ZHX3: variants seen among roughly 807,000 people sequenced by gnomAD.
The protein encoded by ZHX3 is zinc fingers and homeoboxes protein 3.
Under a neutral mutation model 64.5 loss-of-function variants are expected in ZHX3, and 20 were observed. That is an observed-to-expected ratio of 0.31 (90% CI 0.22 to 0.45). The LOEUF is 0.45. Among genes scored for constraint, ZHX3 ranks in the 20% least tolerant of loss-of-function variants. ZHX3 has a pLI of 1.00. For synonymous variants in ZHX3, 423 were observed against 461.6 expected, an observed-to-expected ratio of 0.92 and a Z score of 1.07; for missense variants, 1,041 against 1,195.8, an observed-to-expected ratio of 0.87 and a Z score of 1.91.
At chr20:41,206,404 GA>G (rs2038713887) in intron 2 of ZHX3, among the ~76,000 whole-genome samples, 1 of 152,048 alleles carries the variant, frequency 6.6e-6, no homozygotes, top group South Asian at 2.1e-4. Context: ...TAAAAACCTT[GA>G]AAAAAGATTA....
chr20:41,183,136 G>T lies in ZHX3; in HGVS notation c.*2055C>A, dbSNP rs997712967. 2 of 152,214 alleles carry T rather than the reference G, an allele frequency of 1.3e-5. No homozygotes were observed. Among genetic ancestry groups the T allele is most frequent in the African/African-American group, 4.8e-5 (2 of 41,442 alleles). 9.4% of individuals were successfully genotyped at this position (152,214 alleles called of 1,614,324 possible). On this transcript the variant is annotated 3_prime_UTR_variant, in exon 4 of 4. Transcript: ENST00000683867. The surrounding 1 kb of genome is among the most constrained non-coding windows in gnomAD (Gnocchi z 5.3). ...TTTCTCAACTGCACACGCCAGATGC[G>T]CGTTTTACGAGAATCAAATGAGTAT...
chr20:41,265,161 C>A (rs953670017), intron 2 of ZHX3, among the ~76,000 whole-genome samples: 1 of 150,858 alleles, frequency 6.6e-6, no homozygotes, highest in Admixed American at 6.6e-5. Flanking sequence ...CCATTGTAAA[C>A]TTATAAAACC....
chr20:41,185,257 AGGCAGCCTGGTCCTTGCTATACCAGGGT>A lies in ZHX3; in HGVS notation c.2861-84_2861-57del. On this transcript the variant is annotated intron_variant, in intron 3 of 3. Coordinates refer to ENST00000683867, the MANE Select transcript of ZHX3 (RefSeq NM_001384317.1). The surrounding 1 kb of genome is among the most constrained non-coding windows in gnomAD (Gnocchi z 5.0). ...CGGCAGCTGCCACCACCTGCCCCCC[AGGCAGCCTGGTCCTTGCTATACCAGGGT>A]GGCATCACTGGCTTTGAGGACCTCT... The A allele has an allele frequency of 3.2e-6, 5 of 1,553,182 alleles. No homozygotes were observed. Among genetic ancestry groups the A allele is most frequent in the Non-Finnish European group, 4.4e-6 (5 of 1,145,686 alleles).
At chr20:41,206,235 T>G (rs1468038960) in intron 2 of ZHX3, among the ~76,000 whole-genome samples, 1 of 152,078 alleles carries the variant, frequency 6.6e-6, no homozygotes, top group African/African-American at 2.4e-5. Flanking sequence ...AAAATCAGAG[T>G]GCCTCTTCTC....
At position 41,284,109 on chromosome 20, in the gene ZHX3, G is replaced by T. The variant is rs561586155; in HGVS notation, c.-244-15026C>A. 2.6e-5 allele frequency among the ~76,000 whole-genome samples: 4 copies of T among 152,232 alleles called. No homozygotes were observed. In the South Asian group the frequency reaches 8.3e-4, roughly 32 times the overall value. On this transcript the variant is annotated intron_variant, in intron 1 of 3. Coordinates refer to ENST00000683867, the MANE Select transcript of ZHX3 (RefSeq NM_001384317.1). ...GCGTCCCCAGAGTAATGAGAAAATT[G>T]CACTTGCTTCATAATGTTTCAATTA...
intron 3 of ZHX3, among the ~76,000 whole-genome samples, chr20:41,189,504 T>C (rs992781472): frequency 1.3e-5 from 2 of 152,174 alleles, no homozygotes; most frequent in Non-Finnish European, 2.9e-5. Context: ...CTCTTCAGTT[T>C]CTTTCATCAG....
intron 3 of ZHX3, among the ~76,000 whole-genome samples, chr20:41,197,864 C>T (rs1371434715): frequency 6.6e-6 from 1 of 151,972 alleles, no homozygotes; most frequent in African/African-American, 2.4e-5. Context: ...ACATTCTATG[C>T]CCATTAATAT....
At position 41,203,395 on chromosome 20, in the gene ZHX3, C is replaced by T; in HGVS notation, c.1522G>A (p.Ala508Thr). The change falls in exon 3 of 4, where the codon GCT becomes ACT. Residue 508 changes from alanine (A) to threonine (T), a missense_variant. Around this residue, in one of 4 missense-constraint regions of ZHX3, gnomAD observed 649 missense variants for 739.8 expected, o/e 0.88. Transcript: ENST00000683867. The surrounding 1 kb of genome is among the most constrained non-coding windows in gnomAD (Gnocchi z 7.1). ...TTCCGACAGAAGCTCCCTTTCAGAG[C>T]TGACAGCTGTTCATGAGATTTCTTA... Reference protein sequence around the residue: ...KNKKSHEQLSALKGSFCRNQF... With the variant: ...KNKKSHEQLSTLKGSFCRNQF... 6.2e-7 allele frequency: 1 copy of T among 1,614,182 alleles called. No individual in the cohort carries two copies. The highest frequency in any genetic ancestry group is 8.5e-7 in the Non-Finnish European group (1 of 1,180,040).
chr20:41,306,562 T>C (rs905540221), intron 1 of ZHX3, among the ~76,000 whole-genome samples: 4 of 152,236 alleles, frequency 2.6e-5, no homozygotes, highest in Non-Finnish European at 4.4e-5. Flanking sequence ...TTGCTCTCCA[T>C]TGGTGTCCAG....
intron 3 of ZHX3, among the ~76,000 whole-genome samples, chr20:41,196,452 A>C (rs12624948): frequency 2.9e-5 from 1 of 34,808 alleles, no homozygotes; most frequent in Non-Finnish European, 5.0e-5. Flanking sequence ...ATTATATATA[A>C]TATATTTATA....
At chr20:41,215,505 G>C (rs1054394729) in intron 2 of ZHX3, among the ~76,000 whole-genome samples, 3 of 151,874 alleles carry the variant, frequency 2.0e-5, no homozygotes, top group Non-Finnish European at 4.4e-5. Flanking sequence ...AAAATTCTGA[G>C]GAATGAATTG....
chr20:41,273,094 A>G (rs545602026), intron 1 of ZHX3, among the ~76,000 whole-genome samples: 91 of 152,244 alleles, frequency 6.0e-4, no homozygotes, highest in Non-Finnish European at 9.0e-4. Context: ...GTGAAATGGT[A>G]TATCATTGTG....
intron 2 of ZHX3, among the ~76,000 whole-genome samples, chr20:41,229,777 T>C (rs1303339798): frequency 6.6e-6 from 1 of 152,232 alleles, no homozygotes; most frequent in Non-Finnish European, 1.5e-5. Context: ...TTTGTTGGGT[T>C]GTAGAAATTC....
intron 3 of ZHX3, among the ~76,000 whole-genome samples, chr20:41,194,870 G>A (rs2037354597): frequency 6.6e-6 from 1 of 152,108 alleles, no homozygotes; most frequent in African/African-American, 2.4e-5. Context: ...TCATATTCAT[G>A]TGAAAATATC....
chr20:41,249,681 T>C (rs1307767475), intron 2 of ZHX3, among the ~76,000 whole-genome samples: 2 of 152,212 alleles, frequency 1.3e-5, no homozygotes, highest in African/African-American at 4.8e-5. Context: ...AAAAGATGAA[T>C]GGTTAAATAG....
rs148234569 is a variant in ZHX3 at position 41,264,254 on chromosome 20, A to G, written c.-151+4736T>C. On this transcript the variant is annotated intron_variant, in intron 2 of 3. Coordinates refer to ENST00000683867, the MANE Select transcript of ZHX3 (RefSeq NM_001384317.1). ...TGAAACCCCATCTCCACTAAAATAC[A>G]AAAAAAAAATTATGAGGCATTTTGG... Among the ~76,000 whole-genome samples, 423 of 148,324 alleles carry G rather than the reference A, an allele frequency of 2.9e-3. 2 individuals carry two copies. Among genetic ancestry groups the G allele is most frequent in the South Asian group, 0.016 (75 of 4,658 alleles).
rs190696509 is a variant in ZHX3, at chr20:41,240,913, T to A, written c.-151+28077A>T. On this transcript the variant is annotated intron_variant, in intron 2 of 3. Coordinates refer to ENST00000683867, the MANE Select transcript of ZHX3 (RefSeq NM_001384317.1). ...CTACAGTTTTCTTTATCCATTCATCTGTTGATGGGCACATAGGTTGCCTTC... is the reference window on the plus strand; with the variant it reads ...CTACAGTTTTCTTTATCCATTCATCAGTTGATGGGCACATAGGTTGCCTTC... Among the ~76,000 whole-genome samples, 18 of 152,364 alleles carry A rather than the reference T, an allele frequency of 1.2e-4. No homozygotes were observed. The East Asian group carries it at 3.5e-3, about 29-fold the overall frequency.
intron 2 of ZHX3, among the ~76,000 whole-genome samples, chr20:41,253,142 G>A (rs1295019708): frequency 6.6e-6 from 1 of 151,852 alleles, no homozygotes; most frequent in Non-Finnish European, 1.5e-5. Context: ...ACAAGAAGAG[G>A]AAACACAATT....
In ZHX3 at chr20:41,180,324, G is replaced by A. The variant is rs949113815; in HGVS notation, c.*4867C>T. The stretch of plus-strand genomic sequence containing the variant: ...ATCCTCAAAGTCCTGCGAACCCAAA[G>A]ATAGAACTTTCAGAAATTGAGGAAG... On this transcript the variant is annotated 3_prime_UTR_variant, in exon 4 of 4. Transcript: ENST00000683867. 1 of 152,694 alleles carries A rather than the reference G, an allele frequency of 6.5e-6. No individual in the cohort carries two copies. The highest frequency in any genetic ancestry group is 1.5e-5 in the Non-Finnish European group (1 of 68,082). The allele number at this position is 152,694 out of a possible 1,614,324, so 9.5% of individuals were successfully genotyped here.
Sources: allele counts gnomAD v4.1 joint callset (sites outside exome capture counted in the v4.1 genomes callset), GRCh38; gene constraint gnomAD v4.1.1; regional missense constraint gnomAD v4.1.1; non-coding constraint Gnocchi (gnomAD v3.1); transcripts MANE v1.5; gene names NCBI Gene and HGNC (gene_info 2026-07-23, HGNC 2026-07-21).